PEAK1: variants seen among roughly 807,000 people sequenced by gnomAD.
PEAK1 encodes the protein inactive tyrosine-protein kinase PEAK1.
PEAK1 carries 54 observed loss-of-function variants against 124.7 expected under a neutral mutation model. That is an observed-to-expected ratio of 0.43 (90% CI 0.35 to 0.54). The LOEUF is 0.54. Among genes scored for constraint, PEAK1 ranks in the 20% least tolerant of loss-of-function variants. PEAK1 has a pLI of 0.01. For missense variants in PEAK1, 2,046 were observed against 2,134.5 expected, an observed-to-expected ratio of 0.96 and a Z score of 0.82; for synonymous variants, 719 against 760.0, an observed-to-expected ratio of 0.95 and a Z score of 0.89.
intron 2 of PEAK1, among the ~76,000 whole-genome samples, chr15:77,326,543 T>C (rs2065587593): frequency 6.6e-6 from 1 of 152,162 alleles, no homozygotes; most frequent in Non-Finnish European, 1.5e-5. Context: ...CGGTCTGCAC[T>C]TTCCATCTGA....
intron 6 of PEAK1, among the ~76,000 whole-genome samples, chr15:77,236,303 TA>T (rs1474735167): frequency 6.6e-6 from 1 of 152,238 alleles, no homozygotes; most frequent in African/African-American, 2.4e-5. Flanking sequence ...GAGGCAGGAC[TA>T]CCCAAGGCCA....
At chr15:77,256,726 A>T (rs992008833) in intron 5 of PEAK1, among the ~76,000 whole-genome samples, 23 of 151,984 alleles carry the variant, frequency 1.5e-4, no homozygotes, top group Non-Finnish European at 3.4e-4. Context: ...AATTTTTTTT[A>T]AATTTTATTA....
At chr15:77,131,123 T>C (rs1190269433) in intron 9 of PEAK1, among the ~76,000 whole-genome samples, 37 of 152,212 alleles carry the variant, frequency 2.4e-4, no homozygotes, top group Non-Finnish European at 2.9e-5. Context: ...TTATCTGAAA[T>C]AAGCAATCCA....
chr15:77,244,547 T>C (rs1382229717), intron 6 of PEAK1, among the ~76,000 whole-genome samples: 1 of 152,000 alleles, frequency 6.6e-6, no homozygotes, highest in East Asian at 1.9e-4. Context: ...CATTTATCAG[T>C]GTTTTGTTAT....
intron 6 of PEAK1, among the ~76,000 whole-genome samples, chr15:77,230,779 A>G (rs2059878007): frequency 6.6e-6 from 1 of 152,000 alleles, no homozygotes. Flanking sequence ...GTTACAGTGG[A>G]CTATGATTGT....
At chr15:77,271,616 T>C (rs914496126) in intron 5 of PEAK1, among the ~76,000 whole-genome samples, 1 of 151,958 alleles carries the variant, frequency 6.6e-6, no homozygotes, top group East Asian at 1.9e-4. Context: ...AAAGGGTGAG[T>C]TCATGTCCTT....
chr15:77,192,348 T>A (rs1211253106), intron 6 of PEAK1, among the ~76,000 whole-genome samples: 1 of 152,198 alleles, frequency 6.6e-6, no homozygotes, highest in Non-Finnish European at 1.5e-5. Flanking sequence ...GGATGGGAAC[T>A]GTGGCCAGGG....
chr15:77,413,090 A>G (rs1007003548), intron 1 of PEAK1, among the ~76,000 whole-genome samples: 24 of 152,220 alleles, frequency 1.6e-4, no homozygotes, highest in African/African-American at 5.5e-4. Flanking sequence ...AAAATTTAAA[A>G]AAGTACCTTC....
chr15:77,169,798 G>C (rs906968607), intron 7 of PEAK1, among the ~76,000 whole-genome samples: 4 of 152,178 alleles, frequency 2.6e-5, no homozygotes, highest in Admixed American at 2.0e-4. Context: ...GGGGGTGAAG[G>C]AAACAGAAGA....
At chr15:77,165,457 A>G (rs1486810319) in intron 7 of PEAK1, among the ~76,000 whole-genome samples, 1 of 152,184 alleles carries the variant, frequency 6.6e-6, no homozygotes, top group Non-Finnish European at 1.5e-5. Flanking sequence ...TCAGCCACCC[A>G]AAGTACTTGG....
chr15:77,397,481 C>CAA lies in PEAK1; in HGVS notation c.-666+22523_-666+22524dup, dbSNP rs35123944. 7.3e-3 allele frequency among the ~76,000 whole-genome samples: 1,097 copies of CAA among 149,676 alleles called. 10 individuals carry two copies. The highest frequency in any genetic ancestry group is 0.025 in the African/African-American group (1,005 of 40,834). Reference sequence around the variant, plus strand: ...AGAGAAGAAATAAATAAAATAGAAACAAAAAAAATCAATGAAATGAAATGT... The same window carrying CAA: ...AGAGAAGAAATAAATAAAATAGAAACAAAAAAAAAATCAATGAAATGAAATGT... On this transcript the variant is annotated intron_variant, in intron 1 of 9. Coordinates refer to ENST00000682557, the MANE Select transcript of PEAK1 (RefSeq NM_001385026.1).
intron 7 of PEAK1, among the ~76,000 whole-genome samples, chr15:77,160,861 A>G (rs1360615395): frequency 2.6e-5 from 4 of 151,906 alleles, no homozygotes; most frequent in African/African-American, 9.7e-5. Context: ...GTTCCTTCCC[A>G]TTTGTCAAAA....
chr15:77,332,842 G>C (rs2065975578), intron 2 of PEAK1, among the ~76,000 whole-genome samples: 1 of 151,366 alleles, frequency 6.6e-6, no homozygotes, highest in South Asian at 2.1e-4. Flanking sequence ...GATTTTAAAA[G>C]GCACTTCATT....
At chr15:77,291,760 G>A (rs1031549959) in intron 2 of PEAK1, among the ~76,000 whole-genome samples, 4 of 151,988 alleles carry the variant, frequency 2.6e-5, no homozygotes, top group Admixed American at 6.6e-5. Flanking sequence ...AGTGGACCAC[G>A]AGGTCAGGAG....
intron 6 of PEAK1, among the ~76,000 whole-genome samples, chr15:77,226,044 G>GATATATAATAT (rs2059630439): frequency 2.2e-5 from 1 of 44,998 alleles, no homozygotes; most frequent in Non-Finnish European, 4.8e-5. Context: ...AAAATAAAGG[G>GATATATAATAT]ATATATATAT....
intron 2 of PEAK1, among the ~76,000 whole-genome samples, chr15:77,317,976 G>T (rs774364728): frequency 3.3e-5 from 5 of 152,148 alleles, no homozygotes; most frequent in Admixed American, 6.5e-5. Context: ...TTCTAAAAAT[G>T]ATGACATTTC....
intron 1 of PEAK1, chr15:77,381,131 A>C: frequency 1.2e-6 from 1 of 801,988 alleles, no homozygotes; most frequent in Non-Finnish European, 1.5e-6. Flanking sequence ...GGAGTTTTAA[A>C]TAATGGAGTA....
rs184204081 is a variant in PEAK1 at position 77,351,626 on chromosome 15, C to T, written c.-603+13537G>A. 86 of 787,612 alleles carry T rather than the reference C, an allele frequency of 1.1e-4. No individual in the cohort carries two copies. The African/African-American group carries it at 1.4e-3, about 13-fold the overall frequency. The allele number at this position is 787,612 out of a possible 1,614,324, so 48.8% of individuals were successfully genotyped here. A position where few individuals can be genotyped will look rare whatever the true frequency, so the allele number is the denominator to read the frequency against. Reference sequence around the variant, plus strand: ...GCCCACTCCCACACTGTGGCATGTACGTTCATTTTCAATAAATCCCTTCAT... The same window carrying T: ...GCCCACTCCCACACTGTGGCATGTATGTTCATTTTCAATAAATCCCTTCAT... On this transcript the variant is annotated intron_variant, in intron 2 of 9. Transcript: ENST00000682557.
intron 6 of PEAK1, among the ~76,000 whole-genome samples, chr15:77,208,094 G>A (rs776637631): frequency 7.9e-5 from 12 of 152,128 alleles, no homozygotes; most frequent in Non-Finnish European, 1.8e-4. Flanking sequence ...GCATCTGCCC[G>A]TCAACTTAAA....
Sources: gnomAD v4.1 joint callset for allele counts (sites outside exome capture counted in the v4.1 genomes callset) on GRCh38, gnomAD v4.1.1 for gene constraint, MANE v1.5 for transcripts, NCBI Gene and HGNC (gene_info 2026-07-23, HGNC 2026-07-21) for gene names.